EIF2S2: variants seen among roughly 807,000 people sequenced by gnomAD.
EIF2S2 encodes eukaryotic translation initiation factor 2 subunit 2.
EIF2S2 carries 4 observed loss-of-function variants against 44.0 expected under a neutral mutation model. The ratio of observed to expected loss-of-function variants is 0.09; its 90% CI spans 0.04 to 0.21. The LOEUF (loss-of-function observed/expected upper bound fraction) is 0.21, where lower values mean the gene tolerates loss of function less well. Ranked by LOEUF, EIF2S2 falls within the 10% of genes least tolerant of loss-of-function variation. The pLI, the probability that EIF2S2 is intolerant of heterozygous loss-of-function variation, is 1.00. For missense variants in EIF2S2, 154 were observed against 392.0 expected, an observed-to-expected ratio of 0.39 and a Z score of 5.13; for synonymous variants, 108 against 128.3, an observed-to-expected ratio of 0.84 and a Z score of 1.07.
chr20:34,094,025 G>A (rs1005199522), intron 6 of EIF2S2, among the ~76,000 whole-genome samples: 3 of 152,132 alleles, frequency 2.0e-5, no homozygotes, highest in Admixed American at 2.0e-4. Context: ...CAAGTAGCTA[G>A]GACTACAGGT....
intron 1 of EIF2S2, among the ~76,000 whole-genome samples, chr20:34,111,878 A>T (rs527747145): frequency 6.6e-6 from 1 of 152,356 alleles, no homozygotes; most frequent in South Asian, 2.1e-4. Context: ...CAACCACGGC[A>T]GGAGGTCCGC....
At chr20:34,103,118 A>C (rs990253390) in intron 3 of EIF2S2, among the ~76,000 whole-genome samples, 4 of 152,356 alleles carry the variant, frequency 2.6e-5, no homozygotes, top group East Asian at 3.9e-4. Flanking sequence ...ATATGTTACC[A>C]AAAGTTTAAG....
Position 34,096,551 on chromosome 20 carries a change from T to A in EIF2S2, c.683+106A>T, listed in dbSNP as rs2034231105. The A allele has an allele frequency of 3.4e-6, 4 of 1,171,094 alleles. No homozygotes were observed. In the East Asian group the frequency reaches 9.5e-5, roughly 28 times the overall value. The allele number at this position is 1,171,094 out of a possible 1,614,324, so 72.5% of individuals were successfully genotyped here. A position where few individuals can be genotyped will look rare whatever the true frequency, so the allele number is the denominator to read the frequency against. The stretch of plus-strand genomic sequence containing the variant: ...AACTCCCTCAACCCCTACACCTGTG[T>A]GTTCTTTCCATCTATAATAAAGTCG... On this transcript the variant is annotated intron_variant, in intron 6 of 8. Coordinates refer to ENST00000374980, the MANE Select transcript of EIF2S2 (RefSeq NM_003908.5).
Position 34,100,420 on chromosome 20 carries a change from G to A in EIF2S2, c.298-1787C>T, listed in dbSNP as rs558190194. 3.3e-5 allele frequency among the ~76,000 whole-genome samples: 5 copies of A among 152,272 alleles called. No homozygotes were observed. The South Asian group carries it at 1.0e-3, about 32-fold the overall frequency. ...AAAGTTCCAACCCTCTAAAATCATA[G>A]CTTTGTCCTTCTGGTGACCAGCCCC... On this transcript the variant is annotated intron_variant, in intron 3 of 8. Transcript: ENST00000374980.
intron 1 of EIF2S2, 139 bp from the exon 2 acceptor site, chr20:34,105,684 AAAAAT>A (rs1412861895): frequency 8.8e-6 from 7 of 791,020 alleles, no homozygotes; most frequent in African/African-American, 3.6e-5. Flanking sequence ...GAGTTTACCA[AAAAAT>A]AAAATAAATT....
intron 8 of EIF2S2, 36 bp from the exon 9 acceptor site, chr20:34,089,941 C>T (rs2034143824): frequency 6.2e-7 from 1 of 1,610,006 alleles, no homozygotes; most frequent in African/African-American, 1.3e-5. Flanking sequence ...TACCTGGTGG[C>T]TGCAGTGAGG....
chr20:34,093,758 C>T (rs1043304947), intron 6 of EIF2S2, 27 bp from the exon 7 acceptor site: 4 of 1,565,344 alleles, frequency 2.6e-6, no homozygotes, highest in Non-Finnish European at 3.5e-6. Flanking sequence ...AATATATAAA[C>T]CTTATCTCTC....
rs1315381479 is a variant in EIF2S2 at position 34,088,662 on chromosome 20, A to G, written c.*1068T>C. The G allele has an allele frequency of 1.3e-5, 2 of 152,694 alleles. No homozygotes were observed. The highest frequency in any genetic ancestry group is 2.9e-5 in the Non-Finnish European group (2 of 68,052). 9.5% of individuals were successfully genotyped at this position (152,694 alleles called of 1,614,324 possible). On this transcript the variant is annotated 3_prime_UTR_variant, in exon 9 of 9. Transcript: ENST00000374980. Reference sequence around the variant, plus strand: ...GAGCAGCGTGTATGCCCTTATCCTCAGCAAGTGAGAACAAGGCAGATCACA... The same window carrying G: ...GAGCAGCGTGTATGCCCTTATCCTCGGCAAGTGAGAACAAGGCAGATCACA...
intron 1 of EIF2S2, among the ~76,000 whole-genome samples, chr20:34,111,178 A>G (rs2034407697): frequency 6.6e-6 from 1 of 152,128 alleles, no homozygotes; most frequent in Admixed American, 6.5e-5. Context: ...ATCAAACTGG[A>G]GATTATTCTA....
intron 3 of EIF2S2, among the ~76,000 whole-genome samples, chr20:34,099,753 C>T (rs140033122): frequency 5.6e-4 from 85 of 152,264 alleles, no homozygotes; most frequent in African/African-American, 1.9e-3. Flanking sequence ...TTTGCCAAAA[C>T]GACTCATAGA....
chr20:34,101,511 C>G (rs1452543700), intron 3 of EIF2S2, among the ~76,000 whole-genome samples: 1 of 152,042 alleles, frequency 6.6e-6, no homozygotes, highest in Non-Finnish European at 1.5e-5. Context: ...AGATACTCAC[C>G]TAGTCTCTAA....
intron 1 of EIF2S2, 105 bp downstream of exon 1, chr20:34,111,991 C>T: frequency 8.8e-6 from 11 of 1,245,490 alleles, no homozygotes; most frequent in Non-Finnish European, 1.1e-5. Flanking sequence ...GGCTGCCTCA[C>T]ATGGCGGCGG....
rs752927492 is a variant in EIF2S2 at position 34,089,716 on chromosome 20, C to G, written c.*14G>C. 1 of 1,602,716 alleles carries G rather than the reference C, an allele frequency of 6.2e-7. No individual in the cohort carries two copies. Among genetic ancestry groups the G allele is most frequent in the Admixed American group, 1.7e-5 (1 of 58,758 alleles). On this transcript the variant is annotated 3_prime_UTR_variant, in exon 9 of 9. Transcript: ENST00000374980. ...ATCTCCACAACAAGCTTTGCAAAAT[C>G]AGTGATTAGCAAATTAGTTAGCTTT...
chr20:34,099,539 A>G (rs1298662487), intron 3 of EIF2S2, among the ~76,000 whole-genome samples: 2 of 152,066 alleles, frequency 1.3e-5, no homozygotes, highest in Non-Finnish European at 2.9e-5. Context: ...CAACCCTCCA[A>G]TGCCAGTTAG....
At chr20:34,103,330 C>A in intron 3 of EIF2S2, 132 bp downstream of exon 3, 1 of 1,226,260 alleles carries the variant, frequency 8.2e-7, no homozygotes, top group South Asian at 1.4e-5. Context: ...AAGAAAATGA[C>A]GCTACCAGTG....
Position 34,105,394 on chromosome 20 carries a change from G to C in EIF2S2, c.167C>G (p.Ala56Gly). ...TTTTTTCCTAGTGTCCTCTTCATCAGCTTCCAAATCCTTGTCCTCAGTTGG... is the reference window on the plus strand; with the variant it reads ...TTTTTTCCTAGTGTCCTCTTCATCACCTTCCAAATCCTTGTCCTCAGTTGG... ...PEPTEDKDLE[A>G]DEEDTRKKDA... Residue 56 changes from alanine (A) to glycine (G), a missense_variant, in exon 2 of 9, where the codon GCT becomes GGT. By Grantham distance (60) the Ala-to-Gly change is moderately conservative (BLOSUM62 0). Transcript: ENST00000374980. 1.2e-6 allele frequency: 2 copies of C among 1,613,474 alleles called. No individual in the cohort carries two copies. Among genetic ancestry groups the C allele is most frequent in the Admixed American group, 3.3e-5 (2 of 59,898 alleles).
At chr20:34,092,705 T>C (rs1028328540) in intron 7 of EIF2S2, among the ~76,000 whole-genome samples, 12 of 152,066 alleles carry the variant, frequency 7.9e-5, no homozygotes, top group African/African-American at 2.7e-4. Flanking sequence ...ACAATTCTTC[T>C]ACAACAGAGC....
At chr20:34,092,354 C>A (rs965743334) in intron 7 of EIF2S2, among the ~76,000 whole-genome samples, 1 of 152,182 alleles carries the variant, frequency 6.6e-6, no homozygotes, top group African/African-American at 2.4e-5. Flanking sequence ...GTGCAAGTTA[C>A]AAATAACGAT....
chr20:34,093,039 C>A (rs2034185960), intron 7 of EIF2S2, among the ~76,000 whole-genome samples: 1 of 152,214 alleles, frequency 6.6e-6, no homozygotes, highest in Admixed American at 6.5e-5. Flanking sequence ...CAAAAAAGCA[C>A]TTGGCACAAA....
Sources: gnomAD v4.1 joint callset for allele counts (sites outside exome capture counted in the v4.1 genomes callset) on GRCh38, gnomAD v4.1.1 for gene constraint, MANE v1.5 for transcripts, NCBI Gene and HGNC (gene_info 2026-07-23, HGNC 2026-07-21) for gene names.